The following PCDH15 variants were observed in gnomAD, a reference collection of about 807,000 sequenced individuals.
PCDH15 encodes the protein protocadherin-15.
PCDH15 carries 129 observed loss-of-function variants against 178.5 expected under a neutral mutation model. The ratio of observed to expected loss-of-function variants is 0.72; its 90% CI spans 0.63 to 0.84. The LOEUF is 0.84. Among genes scored for constraint, PCDH15 ranks in the 40% least tolerant of loss-of-function variants. The pLI is 0.00. For synonymous variants in PCDH15, 800 were observed against 732.0 expected, an observed-to-expected ratio of 1.09 and a Z score of -1.50; for missense variants, 2,230 against 2,099.9, an observed-to-expected ratio of 1.06 and a Z score of -1.21.
intron 5 of PCDH15, among the ~76,000 whole-genome samples, chr10:54,363,736 T>C (rs2134562326): frequency 6.6e-6 from 1 of 152,252 alleles, no homozygotes; most frequent in South Asian, 2.1e-4. Context: ...TGTATGAAAG[T>C]TGTGATTATC....
chr10:55,130,625 C>T (rs1008420612), intron 2 of PCDH15, among the ~76,000 whole-genome samples: 5 of 151,656 alleles, frequency 3.3e-5, no homozygotes, highest in South Asian at 4.2e-4. Context: ...GTAACAAACC[C>T]TTTGTTTGTT....
At chr10:54,242,264 C>A (rs7077036) in intron 8 of PCDH15, among the ~76,000 whole-genome samples, 15 of 143,362 alleles carry the variant, frequency 1.0e-4, no homozygotes, top group African/African-American at 3.1e-4. Flanking sequence ...GATTAAGAAG[C>A]CTTTTTGTAG....
At chr10:53,983,232 T>G (rs907987638) in intron 21 of PCDH15, among the ~76,000 whole-genome samples, 11 of 149,152 alleles carry the variant, frequency 7.4e-5, no homozygotes, top group Non-Finnish European at 1.2e-4. Context: ...GTGTGTGTGT[T>G]TGTGTGTGTG....
chr10:54,334,395 T>C (rs138961918), intron 6 of PCDH15, among the ~76,000 whole-genome samples: 72 of 152,230 alleles, frequency 4.7e-4, no homozygotes, highest in African/African-American at 1.6e-3. Context: ...CCAAGATGAT[T>C]CCATCCCCCC....
intron 2 of PCDH15, among the ~76,000 whole-genome samples, chr10:55,502,847 TC>T (rs781285135): frequency 2.6e-5 from 4 of 151,720 alleles, no homozygotes; most frequent in Non-Finnish European, 4.4e-5. Context: ...TTCTTTTTTT[TC>T]GTGTTTTGAA....
chr10:54,610,216 C>T (rs1190967201), intron 2 of PCDH15, among the ~76,000 whole-genome samples: 3 of 151,816 alleles, frequency 2.0e-5, no homozygotes, highest in Non-Finnish European at 4.4e-5. Flanking sequence ...CTCAGAAATA[C>T]TATCTATTAG....
intron 28 of PCDH15, among the ~76,000 whole-genome samples, chr10:53,850,533 A>C (rs2078288618): frequency 6.6e-6 from 1 of 152,164 alleles, no homozygotes. Flanking sequence ...ATGAATTTCC[A>C]AGGCTTTGAA....
intron 1 of PCDH15, among the ~76,000 whole-genome samples, chr10:55,245,723 C>T (rs1421857446): frequency 2.0e-5 from 3 of 152,130 alleles, no homozygotes; most frequent in Non-Finnish European, 4.4e-5. Flanking sequence ...AGAGATGGCA[C>T]TCTAGTCAAT....
chr10:54,495,805 G>A (rs2080056549), intron 3 of PCDH15, among the ~76,000 whole-genome samples: 1 of 151,968 alleles, frequency 6.6e-6, no homozygotes, highest in Non-Finnish European at 1.5e-5. Flanking sequence ...CACATTACTT[G>A]TCTCTCAAAT....
At chr10:55,128,130 C>A (rs1224149184) in intron 2 of PCDH15, among the ~76,000 whole-genome samples, 4 of 152,024 alleles carry the variant, frequency 2.6e-5, no homozygotes, top group African/African-American at 9.7e-5. Context: ...CGCTGTCATA[C>A]CTTGCCCTTG....
intron 2 of PCDH15, among the ~76,000 whole-genome samples, chr10:55,622,888 G>C (rs962098898): frequency 3.9e-5 from 6 of 152,084 alleles, no homozygotes; most frequent in African/African-American, 1.4e-4. Context: ...TTTGCTCTCT[G>C]TACCACAGAG....
In PCDH15 at chr10:53,908,526, C is replaced by T. The variant is rs1279073874; in HGVS notation, c.3374-5156G>A. On this transcript the variant is annotated intron_variant, in intron 25 of 37. Coordinates refer to ENST00000644397, the MANE Select transcript of PCDH15 (RefSeq NM_001384140.1). ...TCAAGGGCTCAAGCCTGTTTACCTC[C>T]ACTCTTGTCACTGCCTTCTGGCCTC... is the stretch of plus-strand genomic sequence containing the variant. Among the ~76,000 whole-genome samples the T allele has an allele frequency of 2.6e-5, 4 of 152,156 alleles. No individual in the cohort carries two copies. In the East Asian group the frequency reaches 5.8e-4, roughly 22 times the overall value.
At chr10:54,597,564 A>G (rs1296853499) in intron 2 of PCDH15, among the ~76,000 whole-genome samples, 7 of 151,958 alleles carry the variant, frequency 4.6e-5, no homozygotes, top group Non-Finnish European at 8.8e-5. Flanking sequence ...AAACAACAAC[A>G]ACAACAAAAT....
intron 35 of PCDH15, among the ~76,000 whole-genome samples, chr10:53,812,785 GA>G (rs956412781): frequency 2.1e-4 from 32 of 152,164 alleles, no homozygotes; most frequent in African/African-American, 7.7e-4. Flanking sequence ...TACGAGAAGA[GA>G]GGGGGGAAAA....
chr10:54,234,655 C>G (rs2134358584), intron 9 of PCDH15, among the ~76,000 whole-genome samples: 1 of 152,264 alleles, frequency 6.6e-6, no homozygotes, highest in East Asian at 1.9e-4. Context: ...TTAACATGGA[C>G]AGTACAATTT....
At chr10:55,320,738 C>T (rs1192328319), upstream of PCDH15, among the ~76,000 whole-genome samples, 2 of 152,016 alleles carry the variant, frequency 1.3e-5, no homozygotes, top group Non-Finnish European at 2.9e-5. Flanking sequence ...CATGATCAAA[C>T]CCCCAAGGAT....
rs535897549 is a variant in PCDH15 at position 54,233,758 on chromosome 10, A to G, written c.985+3065T>C. ...CCAAGTGCTTCCTGAGTATATATAC[A>G]GCTTGCTTTTATCTTTTTAGAATCC... On this transcript the variant is annotated intron_variant, in intron 9 of 37. Coordinates refer to ENST00000644397, the MANE Select transcript of PCDH15 (RefSeq NM_001384140.1). Among the ~76,000 whole-genome samples the G allele has an allele frequency of 8.5e-5, 13 of 152,364 alleles. No homozygotes were observed. The East Asian group carries it at 1.4e-3, about 16-fold the overall frequency.
At chr10:55,327,827 T>A (rs1302326926) in intron 2 of PCDH15, among the ~76,000 whole-genome samples, 3 of 152,032 alleles carry the variant, frequency 2.0e-5, no homozygotes, top group African/African-American at 7.2e-5. Flanking sequence ...ATGTGTTTGT[T>A]TTTTTGTTTT....
At chr10:54,806,503 A>C (rs955109112) in intron 3 of PCDH15, among the ~76,000 whole-genome samples, 10 of 147,208 alleles carry the variant, frequency 6.8e-5, no homozygotes, top group African/African-American at 2.6e-4. Context: ...TTTTTTTCTG[A>C]GACGGAGTCT....
Sources: allele counts gnomAD v4.1 joint callset (sites outside exome capture counted in the v4.1 genomes callset), GRCh38; gene constraint gnomAD v4.1.1; transcripts MANE v1.5; gene names NCBI Gene and HGNC (gene_info 2026-07-23, HGNC 2026-07-21).